The following PROCR variants were observed in gnomAD, a reference collection of about 807,000 sequenced individuals.
PROCR encodes the protein protein C receptor, also known as endothelial protein C receptor.
A neutral mutation model predicts 24.2 loss-of-function variants in PROCR; 22 were observed. The observed-to-expected ratio is 0.91, with a 90% CI of 0.65 to 1.30. PROCR has a LOEUF of 1.30. Ranked by LOEUF, PROCR falls within the 50% of genes most tolerant of loss-of-function variation. The probability of loss-of-function intolerance (pLI) is 0.00; values close to 1 mark genes in which losing one functional copy is unlikely to be tolerated. For missense variants in PROCR, 288 were observed against 307.7 expected (o/e 0.94, Z 0.48); for synonymous variants, 137 against 139.2 (o/e 0.98, Z 0.11).
At chr20:35,178,154 AGC>A (rs2086039995), downstream of PROCR, among the ~76,000 whole-genome samples, 1 of 152,050 alleles carries the variant, frequency 6.6e-6, no homozygotes, top group Non-Finnish European at 1.5e-5. Context: ...CTGTAATCCC[AGC>A]ACTTTGGGAG....
chr20:35,212,544 T>A (rs560656092), intron 1 of PROCR, among the ~76,000 whole-genome samples: 1 of 152,298 alleles, frequency 6.6e-6, no homozygotes, highest in Non-Finnish European at 1.5e-5. Flanking sequence ...AAGTAAGAGA[T>A]AATGAAGGGG....
At chr20:35,188,445 G>C (rs1421505226) in intron 1 of PROCR, among the ~76,000 whole-genome samples, 1 of 152,198 alleles carries the variant, frequency 6.6e-6, no homozygotes, top group Non-Finnish European at 1.5e-5. Flanking sequence ...AAAGGGGAAA[G>C]ATGTTTCTCC....
At chr20:35,198,554 C>T (rs1246643781) in intron 1 of PROCR, among the ~76,000 whole-genome samples, 1 of 152,112 alleles carries the variant, frequency 6.6e-6, no homozygotes, top group African/African-American at 2.4e-5. Flanking sequence ...AAGCCATCTC[C>T]AGAACATAAA....
In PROCR at chr20:35,174,832, C is replaced by A. The variant is rs2085991061; in HGVS notation, c.201C>A (p.Ile67=). ...AAGGCCCAGACACCAACACCACGAT[C>A]ATTCAGCTGCAGCCCTTGCAGGAGC... ...VLEGPDTNTT[I]IQLQPLQEPE... The change falls in exon 2 of 4, where the codon ATC becomes ATA. Residue 67 remains isoleucine, a synonymous_variant. Transcript: ENST00000216968. The A allele has an allele frequency of 6.2e-7, 1 of 1,613,970 alleles. No homozygotes were observed. The highest frequency in any genetic ancestry group is 1.3e-5 in the African/African-American group (1 of 74,892).
intron 1 of PROCR, among the ~76,000 whole-genome samples, chr20:35,183,742 C>A (rs1292215140): frequency 6.6e-6 from 1 of 151,950 alleles, no homozygotes; most frequent in African/African-American, 2.4e-5. Context: ...TATGACCATG[C>A]CCAGATAGGA....
intron 1 of PROCR, among the ~76,000 whole-genome samples, chr20:35,195,663 A>AT (rs546385973): frequency 1.0e-3 from 159 of 151,846 alleles, no homozygotes; most frequent in Middle Eastern, 0.01. Context: ...TCTACTAAAA[A>AT]CACAAAAATT....
chr20:35,209,662 T>C (rs1018800355), intron 1 of PROCR, among the ~76,000 whole-genome samples: 1 of 152,214 alleles, frequency 6.6e-6, no homozygotes, highest in Non-Finnish European at 1.5e-5. Context: ...ATCAGGAATG[T>C]GCAATGATGC....
At chr20:35,194,083 G>A (rs915391106) in intron 1 of PROCR, among the ~76,000 whole-genome samples, 1 of 152,202 alleles carries the variant, frequency 6.6e-6, no homozygotes, top group Middle Eastern at 3.2e-3. Flanking sequence ...ACAGCAGATA[G>A]TGGAATAAGG....
intron 1 of PROCR, among the ~76,000 whole-genome samples, chr20:35,192,975 T>TA (rs2086186682): frequency 6.6e-6 from 1 of 152,138 alleles, no homozygotes; most frequent in Non-Finnish European, 1.5e-5. Context: ...AGTCTTAATA[T>TA]AAGTGAATGT....
rs2086015823 is a variant in PROCR, at chr20:35,176,266, G to A, written c.421G>A (p.Val141Met). The change falls in exon 3 of 4, where the codon GTG (valine) becomes ATG (methionine). Residue 141 changes from valine (V) to methionine (M), a missense_variant. Transcript: ENST00000216968. ...AGTGGCTGTGAATGGGAGCTCCTTT[G>A]TGAGTTTCCGGCCGGAGAGAGCCTT... ...FEVAVNGSSF[V>M]SFRPERALWQ... 1.2e-6 allele frequency: 2 copies of A among 1,614,092 alleles called. No individual in the cohort carries two copies. The highest frequency in any genetic ancestry group is 8.5e-7 in the Non-Finnish European group (1 of 1,180,044).
chr20:35,179,007 G>A (rs568292432), downstream of PROCR, among the ~76,000 whole-genome samples: 160 of 150,104 alleles, frequency 1.1e-3, no homozygotes, highest in African/African-American at 3.2e-3. Flanking sequence ...CGAGGCGGGC[G>A]GATCACAAGG....
chr20:35,205,216 T>C (rs1472218905), intron 1 of PROCR, among the ~76,000 whole-genome samples: 1 of 151,358 alleles, frequency 6.6e-6, no homozygotes, highest in Non-Finnish European at 1.5e-5. Context: ...GAAGTTGCAG[T>C]GAGCTGAGAT....
At chr20:35,199,512 A>T (rs1202362705) in intron 1 of PROCR, among the ~76,000 whole-genome samples, 1 of 152,136 alleles carries the variant, frequency 6.6e-6, no homozygotes, top group African/African-American at 2.4e-5. Flanking sequence ...GCACTTTGAG[A>T]GGCCGAGGTG....
At chr20:35,176,542 G>A in intron 3 of PROCR, 96 bp downstream of exon 3, 1 of 1,599,766 alleles carries the variant, frequency 6.3e-7, no homozygotes, top group Non-Finnish European at 8.5e-7. Flanking sequence ...AGCAACAAGA[G>A]GCCCACAGCT....
intron 1 of PROCR, among the ~76,000 whole-genome samples, chr20:35,210,633 T>C (rs1023901747): frequency 5.3e-5 from 8 of 152,190 alleles, no homozygotes; most frequent in African/African-American, 1.9e-4. Flanking sequence ...TGTCCCCAGT[T>C]CTGAACTTTT....
chr20:35,176,553 G>A lies in PROCR; in HGVS notation c.601+107G>A. 3.1e-6 allele frequency: 5 copies of A among 1,594,560 alleles called. No individual in the cohort carries two copies. In the Admixed American group the frequency reaches 8.7e-5, roughly 28 times the overall value. On this transcript the variant is annotated intron_variant, in intron 3 of 3. Transcript: ENST00000216968. ...CTAGAGCAACAAGAGGCCCACAGCT[G>A]GGGGTTTGGGACAGAACACACGCAG...
chr20:35,171,730 T>A (rs527667949), upstream of PROCR, among the ~76,000 whole-genome samples: 2 of 152,264 alleles, frequency 1.3e-5, no homozygotes, highest in Non-Finnish European at 2.9e-5. Flanking sequence ...AATCTCCCCA[T>A]CAGCAACCTG....
At chr20:35,211,453 T>G (rs781696377) in intron 1 of PROCR, among the ~76,000 whole-genome samples, 4 of 152,116 alleles carry the variant, frequency 2.6e-5, no homozygotes, top group Admixed American at 6.6e-5. Flanking sequence ...GAAGAACCAG[T>G]CATCAGGACC....
At chr20:35,179,550 T>C (rs2086059591), downstream of PROCR, among the ~76,000 whole-genome samples, 1 of 151,498 alleles carries the variant, frequency 6.6e-6, no homozygotes, top group Non-Finnish European at 1.5e-5. Flanking sequence ...AAAAAAAAGA[T>C]AGTGTATGTA....
Sources: gnomAD v4.1 joint callset for allele counts (sites outside exome capture counted in the v4.1 genomes callset) on GRCh38, gnomAD v4.1.1 for gene constraint, MANE v1.5 for transcripts, NCBI Gene and HGNC (gene_info 2026-07-23, HGNC 2026-07-21) for gene names.